Variants in PALM2AKAP2 observed in about 807,000 individuals in gnomAD.
PALM2AKAP2 encodes the protein PALM2 and AKAP2 fusion.
In PALM2AKAP2, 37 loss-of-function variants were observed where a neutral mutation model predicts 71.5. The observed-to-expected ratio is 0.52, with a 90% CI of 0.40 to 0.68. The LOEUF is 0.68. Among genes scored for constraint, PALM2AKAP2 ranks in the 30% least tolerant of loss-of-function variants. The probability of loss-of-function intolerance (pLI) is 0.00; values close to 1 mark genes in which losing one functional copy is unlikely to be tolerated. For missense variants in PALM2AKAP2, 1,224 were observed against 1,191.8 expected, an observed-to-expected ratio of 1.03 and a Z score of -0.40; for synonymous variants, 468 against 478.8, an observed-to-expected ratio of 0.98 and a Z score of 0.29.
At chr9:109,868,914 G>T (rs1262423388) in intron 2 of PALM2AKAP2, among the ~76,000 whole-genome samples, 1 of 152,160 alleles carries the variant, frequency 6.6e-6, no homozygotes, top group Non-Finnish European at 1.5e-5. Flanking sequence ...TCACAGAGAG[G>T]GGGCCTTAAA....
chr9:109,653,938 C>T (rs1827260794), intron 1 of PALM2AKAP2, among the ~76,000 whole-genome samples: 1 of 152,154 alleles, frequency 6.6e-6, no homozygotes, highest in Admixed American at 6.5e-5. Flanking sequence ...TTAATTGGCA[C>T]AACTTAGCAG....
chr9:109,905,720 G>C (rs1830432235), intron 3 of PALM2AKAP2, among the ~76,000 whole-genome samples: 1 of 152,228 alleles, frequency 6.6e-6, no homozygotes, highest in African/African-American at 2.4e-5. Context: ...GGGCCAGGCT[G>C]TCCTTGGACT....
intron 1 of PALM2AKAP2, among the ~76,000 whole-genome samples, chr9:109,688,494 C>G (rs1827834530): frequency 6.6e-6 from 1 of 152,214 alleles, no homozygotes. Context: ...AGCACTGCAG[C>G]CTGATCCCTC....
chr9:110,019,259 A>AAAAG (rs1554739074), intron 7 of PALM2AKAP2, among the ~76,000 whole-genome samples: 3 of 150,776 alleles, frequency 2.0e-5, no homozygotes, highest in African/African-American at 7.4e-5. Flanking sequence ...AAAAAAAAAA[A>AAAAG]AGAGAGATAC....
At chr9:109,904,805 C>T (rs1830409536) in intron 3 of PALM2AKAP2, among the ~76,000 whole-genome samples, 1 of 152,190 alleles carries the variant, frequency 6.6e-6, no homozygotes, top group Non-Finnish European at 1.5e-5. Flanking sequence ...CAAGAGTTCA[C>T]ATTTCAAGTG....
At chr9:110,139,004 A>T (rs902233332) in intron 2 of PALM2AKAP2, among the ~76,000 whole-genome samples, 5 of 152,168 alleles carry the variant, frequency 3.3e-5, no homozygotes, top group African/African-American at 9.7e-5. Context: ...TTTCCTTCCC[A>T]GCAATGATAG....
At chr9:110,076,513 G>GTATA (rs1258256647) in intron 1 of PALM2AKAP2, among the ~76,000 whole-genome samples, 6 of 76,654 alleles carry the variant, frequency 7.8e-5, no homozygotes, top group Non-Finnish European at 1.2e-4. Flanking sequence ...ATATATATAG[G>GTATA]TATATATACC....
rs115389184 is a variant in PALM2AKAP2 at position 109,810,100 on chromosome 9, T to C, written c.45+29567T>C. ...CATTGATAATTAGGTTTTCAACATA[T>C]AAATTTGGCTGGTGGTGGTGGGGAG... On this transcript the variant is annotated intron_variant, in intron 1 of 9. Coordinates refer to the PALM2AKAP2 transcript ENST00000302798. 4.4e-3 allele frequency among the ~76,000 whole-genome samples: 667 copies of C among 152,300 alleles called. 4 individuals are homozygous for C. Among genetic ancestry groups the C allele is most frequent in the African/African-American group, 0.015 (631 of 41,566 alleles).
intron 6 of PALM2AKAP2, among the ~76,000 whole-genome samples, chr9:109,963,932 A>G (rs1831896272): frequency 6.6e-6 from 1 of 152,226 alleles, no homozygotes; most frequent in Non-Finnish European, 1.5e-5. Context: ...GGTGCAGGAC[A>G]GAGCAGAGGG....
chr9:109,814,328 A>T (rs1175039107), intron 1 of PALM2AKAP2, among the ~76,000 whole-genome samples: 1 of 152,232 alleles, frequency 6.6e-6, no homozygotes, highest in African/African-American at 2.4e-5. Context: ...ACAAGTGTCA[A>T]TGATATAGTT....
At chr9:109,707,893 G>A (rs1828167574) in intron 1 of PALM2AKAP2, among the ~76,000 whole-genome samples, 1 of 152,088 alleles carries the variant, frequency 6.6e-6, no homozygotes, top group African/African-American at 2.4e-5. Flanking sequence ...GATACCAATA[G>A]CTCCCATTTC....
At chr9:109,771,650 G>A (rs1438024946) in intron 1 of PALM2AKAP2, among the ~76,000 whole-genome samples, 1 of 152,172 alleles carries the variant, frequency 6.6e-6, no homozygotes, top group African/African-American at 2.4e-5. Context: ...CTGATCGCAG[G>A]AAAAGCTATC....
At chr9:109,903,330 G>T (rs942312443) in intron 3 of PALM2AKAP2, among the ~76,000 whole-genome samples, 3 of 151,872 alleles carry the variant, frequency 2.0e-5, no homozygotes, top group Non-Finnish European at 4.4e-5. Context: ...CTGGACCACA[G>T]GGCCACTGGT....
At chr9:109,744,398 G>A (rs1229470856) in intron 1 of PALM2AKAP2, among the ~76,000 whole-genome samples, 1 of 152,084 alleles carries the variant, frequency 6.6e-6, no homozygotes, top group African/African-American at 2.4e-5. Context: ...ATTTTTTTAT[G>A]ACAAAGAGAA....
In PALM2AKAP2 at chr9:109,644,941, G is replaced by A. The variant is rs559367027; in HGVS notation, c.5+4075G>A. On this transcript the variant is annotated intron_variant, in intron 1 of 6. Coordinates refer to the PALM2AKAP2 transcript ENST00000374531. Reference sequence around the variant, plus strand: ...ATTCAGCAAGTCTCTAGGGAGTTCCGAACTTTCCCACATTTTCCTGTCTTC... The same window carrying A: ...ATTCAGCAAGTCTCTAGGGAGTTCCAAACTTTCCCACATTTTCCTGTCTTC... Among the ~76,000 whole-genome samples, 9 of 152,220 alleles carry A rather than the reference G, an allele frequency of 5.9e-5. No homozygotes were observed. In the South Asian group the frequency reaches 1.0e-3, roughly 18 times the overall value.
intron 6 of PALM2AKAP2, among the ~76,000 whole-genome samples, chr9:109,963,602 G>A (rs1831890054): frequency 6.6e-6 from 1 of 152,148 alleles, no homozygotes; most frequent in Non-Finnish European, 1.5e-5. Flanking sequence ...CCCATACTGG[G>A]CCCTGGGCTT....
At chr9:109,830,208 C>T (rs1236079623) in intron 1 of PALM2AKAP2, among the ~76,000 whole-genome samples, 2 of 152,142 alleles carry the variant, frequency 1.3e-5, no homozygotes, top group Non-Finnish European at 2.9e-5. Flanking sequence ...ACTTTATGAA[C>T]ATTTTAAGGG....
At chr9:109,896,750 G>A (rs1830212358) in intron 3 of PALM2AKAP2, among the ~76,000 whole-genome samples, 1 of 152,104 alleles carries the variant, frequency 6.6e-6, no homozygotes, top group South Asian at 2.1e-4. Flanking sequence ...GTTTGAGTCT[G>A]CAGTGAGCTA....
At chr9:110,149,175 ATG>A (rs1375307647) in intron 2 of PALM2AKAP2, among the ~76,000 whole-genome samples, 1 of 152,242 alleles carries the variant, frequency 6.6e-6, no homozygotes, top group African/African-American at 2.4e-5. Context: ...ACACCAATTT[ATG>A]CTTTCCCACT....
Sources: allele counts gnomAD v4.1 joint callset (sites outside exome capture counted in the v4.1 genomes callset), GRCh38; gene constraint gnomAD v4.1.1; transcripts MANE v1.5; gene names NCBI Gene and HGNC (gene_info 2026-07-23, HGNC 2026-07-21).